The following IPCEF1 variants were observed in gnomAD, a reference collection of about 807,000 sequenced individuals.
The protein encoded by IPCEF1 is interactor protein for cytohesin exchange factors 1.
Under a neutral mutation model 50.9 loss-of-function variants are expected in IPCEF1, and 31 were observed. The ratio of observed to expected loss-of-function variants is 0.61; its 90% CI spans 0.46 to 0.82. The LOEUF is 0.82. Among genes scored for constraint, IPCEF1 ranks in the 40% least tolerant of loss-of-function variants. The pLI is 0.00. For missense variants in IPCEF1, 458 were observed against 514.0 expected, an observed-to-expected ratio of 0.89 and a Z score of 1.05; for synonymous variants, 181 against 192.0, an observed-to-expected ratio of 0.94 and a Z score of 0.47.
At chr6:154,184,802 G>T (rs1801195777) in intron 10 of IPCEF1, among the ~76,000 whole-genome samples, 1 of 151,966 alleles carries the variant, frequency 6.6e-6, no homozygotes, top group Non-Finnish European at 1.5e-5. Context: ...ATCAAGTATA[G>T]TATCTTTCTA....
At chr6:154,262,958 T>C (rs1781641465) in intron 3 of IPCEF1, among the ~76,000 whole-genome samples, 1 of 151,796 alleles carries the variant, frequency 6.6e-6, no homozygotes, top group African/African-American at 2.4e-5. Context: ...TGTATTTTAG[T>C]AGAGACAGTG....
At chr6:154,213,094 C>T (rs1306766895) in intron 8 of IPCEF1, 7 of 479,174 alleles carry the variant, frequency 1.5e-5, no homozygotes, top group African/African-American at 7.7e-5. Flanking sequence ...GAAGACAAAT[C>T]GTAGCTTGGG....
chr6:154,185,566 T>C (rs1023594479), intron 10 of IPCEF1, among the ~76,000 whole-genome samples: 3 of 152,244 alleles, frequency 2.0e-5, no homozygotes, highest in Non-Finnish European at 4.4e-5. Flanking sequence ...GCTATAGATT[T>C]GGCTTTGATT....
intron 4 of IPCEF1, 173 bp from the exon 5 acceptor site, chr6:154,246,933 T>C (rs1484275225): frequency 1.7e-5 from 4 of 231,558 alleles, no homozygotes; most frequent in Non-Finnish European, 1.3e-5. Context: ...GCAAAACCAA[T>C]GCAAAAAAAA....
intron 7 of IPCEF1, among the ~76,000 whole-genome samples, chr6:154,216,134 A>G (rs1230322605): frequency 6.6e-6 from 1 of 152,236 alleles, no homozygotes; most frequent in Non-Finnish European, 1.5e-5. Context: ...TATCAATCCT[A>G]TAGAAACACA....
At chr6:154,335,714 T>G (rs1783774329) in intron 1 of IPCEF1, among the ~76,000 whole-genome samples, 1 of 152,078 alleles carries the variant, frequency 6.6e-6, no homozygotes, top group Non-Finnish European at 1.5e-5. Flanking sequence ...TACAACCTGT[T>G]GAATGGGAGA....
intron 10 of IPCEF1, among the ~76,000 whole-genome samples, chr6:154,174,117 A>G (rs1288145873): frequency 6.6e-6 from 1 of 152,178 alleles, no homozygotes; most frequent in African/African-American, 2.4e-5. Flanking sequence ...CAGACAAGCA[A>G]ATGCTGAGAG....
At chr6:154,339,829 C>T (rs368023301) in intron 1 of IPCEF1, among the ~76,000 whole-genome samples, 163 of 152,226 alleles carry the variant, frequency 1.1e-3, no homozygotes, top group African/African-American at 3.4e-3. Flanking sequence ...AACACTTGGG[C>T]TCAAGCGAGC....
At chr6:154,308,114 G>A (rs577210617) in intron 1 of IPCEF1, among the ~76,000 whole-genome samples, 1 of 152,156 alleles carries the variant, frequency 6.6e-6, no homozygotes, top group Non-Finnish European at 1.5e-5. Context: ...GGGTGAAAGG[G>A]GCCAAAAGAT....
At chr6:154,309,771 T>C (rs1054954935) in intron 1 of IPCEF1, among the ~76,000 whole-genome samples, 1 of 151,370 alleles carries the variant, frequency 6.6e-6, no homozygotes. Flanking sequence ...TTTTCTTGTT[T>C]TTTTTTTTTT....
At chr6:154,224,641 G>A (rs1395737597) in intron 5 of IPCEF1, among the ~76,000 whole-genome samples, 4 of 152,082 alleles carry the variant, frequency 2.6e-5, no homozygotes, top group Non-Finnish European at 4.4e-5. Context: ...AACCTGGGAG[G>A]TAGAGGTTGC....
At chr6:154,182,651 G>T (rs980819020) in intron 10 of IPCEF1, among the ~76,000 whole-genome samples, 1 of 152,036 alleles carries the variant, frequency 6.6e-6, no homozygotes. Context: ...CTTAAAATAC[G>T]TTTATGAGGT....
intron 1 of IPCEF1, among the ~76,000 whole-genome samples, chr6:154,319,075 T>C (rs73789442): frequency 0.088 from 13,335 of 152,260 alleles, 1,243 homozygotes; most frequent in African/African-American, 0.24. Context: ...AACTAAATTC[T>C]TGTCATATTA....
intron 3 of IPCEF1, among the ~76,000 whole-genome samples, chr6:154,258,560 C>T (rs1332991869): frequency 6.6e-6 from 1 of 152,188 alleles, no homozygotes; most frequent in East Asian, 1.9e-4. Context: ...TGTGAGTAAT[C>T]TCAGGTTTGC....
intron 1 of IPCEF1, among the ~76,000 whole-genome samples, chr6:154,353,920 C>T (rs1784160480): frequency 6.6e-6 from 1 of 152,150 alleles, no homozygotes; most frequent in Non-Finnish European, 1.5e-5. Context: ...CTAGGCTTAT[C>T]ATATTTATTT....
At chr6:154,187,095 T>C (rs1801439221) in intron 10 of IPCEF1, among the ~76,000 whole-genome samples, 2 of 152,198 alleles carry the variant, frequency 1.3e-5, no homozygotes, top group Non-Finnish European at 2.9e-5. Flanking sequence ...TAGCACTGTC[T>C]GACTGCACTT....
At chr6:154,274,416 C>A (rs1056862981) in intron 2 of IPCEF1, among the ~76,000 whole-genome samples, 4 of 152,188 alleles carry the variant, frequency 2.6e-5, no homozygotes, top group Admixed American at 6.5e-5. Flanking sequence ...CTCAGACACA[C>A]AAAATCCACA....
chr6:154,199,374 A>T (rs1776892663), intron 10 of IPCEF1, among the ~76,000 whole-genome samples: 1 of 152,262 alleles, frequency 6.6e-6, no homozygotes, highest in African/African-American at 2.4e-5. Context: ...GGACCAAAAA[A>T]GAGGCAAGTT....
chr6:154,328,138 G>A (rs111657975), intron 1 of IPCEF1, among the ~76,000 whole-genome samples: 9 of 152,082 alleles, frequency 5.9e-5, no homozygotes, highest in African/African-American at 1.9e-4. Flanking sequence ...TATGTGATGG[G>A]TTGATCTGTG....
Sources: allele counts gnomAD v4.1 joint callset (sites outside exome capture counted in the v4.1 genomes callset), GRCh38; gene constraint gnomAD v4.1.1; transcripts MANE v1.5; gene names NCBI Gene and HGNC (gene_info 2026-07-23, HGNC 2026-07-21).